SH3GLB2: variants seen among roughly 807,000 people sequenced by gnomAD.
SH3GLB2 encodes SH3 domain containing GRB2 like, endophilin B2.
Under a neutral mutation model 48.0 loss-of-function variants are expected in SH3GLB2, and 24 were observed. The ratio of observed to expected loss-of-function variants is 0.50; its 90% CI spans 0.36 to 0.70. The LOEUF is 0.70. SH3GLB2 is among the 30% of genes least tolerant of loss of function. The probability of loss-of-function intolerance (pLI) is 0.00; values close to 1 mark genes in which losing one functional copy is unlikely to be tolerated. For missense variants in SH3GLB2, 425 were observed against 516.0 expected (o/e 0.82, Z 1.71); for synonymous variants, 227 against 207.6 (o/e 1.09, Z -0.80).
At chr9:129,017,623 G>A (rs1196864892) in intron 3 of SH3GLB2, among the ~76,000 whole-genome samples, 3 of 151,932 alleles carry the variant, frequency 2.0e-5, no homozygotes, top group Non-Finnish European at 4.4e-5. Context: ...AAAATACGCC[G>A]GGTGTGATGG....
At chr9:129,015,872 A>G (rs1022239873) in intron 3 of SH3GLB2, 7 of 331,818 alleles carry the variant, frequency 2.1e-5, no homozygotes, top group Admixed American at 3.9e-5. Flanking sequence ...TGTCTTTAAA[A>G]AAAAGAAAAG....
At position 129,007,366 on chromosome 9, in the gene SH3GLB2, G is replaced by C. The variant is rs1248899864; in HGVS notation, c.*1318C>G. 1.3e-5 allele frequency: 2 copies of C among 152,124 alleles called. No individual in the cohort carries two copies. The highest frequency in any genetic ancestry group is 1.3e-4 in the Admixed American group (2 of 15,264). 9.4% of individuals were successfully genotyped at this position (152,124 alleles called of 1,614,324 possible). A position where few individuals can be genotyped will look rare whatever the true frequency, so the allele number is the denominator to read the frequency against. On this transcript the variant is annotated 3_prime_UTR_variant, in exon 11 of 11. Transcript: ENST00000372564. Reference sequence around the variant, plus strand: ...GCCCAGTGGGCTGAGCTCATCCCTGGGTGAGCCTTTCTTGAAGCTCTGTGC... The same window carrying C: ...GCCCAGTGGGCTGAGCTCATCCCTGCGTGAGCCTTTCTTGAAGCTCTGTGC...
rs752682320 is a variant in SH3GLB2 at position 129,014,552 on chromosome 9, AC to A, written c.469-50del. 1 of 1,534,014 alleles carries A rather than the reference AC, an allele frequency of 6.5e-7. No individual in the cohort carries two copies. Among genetic ancestry groups the A allele is most frequent in the South Asian group, 1.2e-5 (1 of 83,954 alleles). On this transcript the variant is annotated intron_variant, in intron 4 of 10. Coordinates refer to ENST00000372564, the MANE Select transcript of SH3GLB2 (RefSeq NM_020145.4). The surrounding 1 kb of genome is among the most constrained non-coding windows in gnomAD (Gnocchi z 4.1). Reference sequence around the variant, plus strand: ...GTGAGACCCTGGGCTGCCCTGGGAGACCCTGAGCCATGCATGGCAAGATTGG... The same window carrying A: ...GTGAGACCCTGGGCTGCCCTGGGAGACCTGAGCCATGCATGGCAAGATTGG...
chr9:129,022,447 G>T, intron 1 of SH3GLB2, 24 bp from the exon 2 acceptor site: 1 of 1,609,088 alleles, frequency 6.2e-7, no homozygotes. Flanking sequence ...AAGGCCAAGG[G>T]GTGGGGAGGG....
chr9:129,020,875 A>C (rs902622344), intron 3 of SH3GLB2, among the ~76,000 whole-genome samples: 2 of 113,820 alleles, frequency 1.8e-5, no homozygotes, highest in Non-Finnish European at 3.7e-5. Context: ...ATCTCAAAAA[A>C]AAACAAAAAC....
At chr9:129,018,817 G>C (rs1041837545) in intron 3 of SH3GLB2, among the ~76,000 whole-genome samples, 16 of 149,908 alleles carry the variant, frequency 1.1e-4, no homozygotes, top group Non-Finnish European at 1.9e-4. Context: ...GCATGAACCC[G>C]GGAGGAGGAG....
chr9:129,022,444 A>AG, intron 1 of SH3GLB2, 21 bp from the exon 2 acceptor site: 1 of 1,122,486 alleles, frequency 8.9e-7, no homozygotes, highest in Non-Finnish European at 1.2e-6. Flanking sequence ...GGGAAGGCCA[A>AG]GGGGTGGGGA....
chr9:129,012,790 CAG>C lies in SH3GLB2; in HGVS notation c.562-494_562-493del, dbSNP rs1275996973. The C allele has an allele frequency of 2.0e-5, 12 of 593,302 alleles. No individual in the cohort carries two copies. The Admixed American group carries it at 2.9e-4, about 14-fold the overall frequency. 36.8% of individuals were successfully genotyped at this position (593,302 alleles called of 1,614,324 possible). A position where few individuals can be genotyped will look rare whatever the true frequency, so the allele number is the denominator to read the frequency against. On this transcript the variant is annotated intron_variant, in intron 5 of 10. Coordinates refer to ENST00000372564, the MANE Select transcript of SH3GLB2 (RefSeq NM_020145.4). The stretch of plus-strand genomic sequence containing the variant: ...GTGGACAGATGGATGCATGGGCAGA[CAG>C]AGTGACAGGCGTCCAACATTTGCAA...
chr9:129,008,531 C>T lies in SH3GLB2; in HGVS notation c.*153G>A. 6.3e-6 allele frequency: 4 copies of T among 630,014 alleles called. No individual in the cohort carries two copies. Among genetic ancestry groups the T allele is most frequent in the South Asian group, 5.4e-5 (3 of 56,028 alleles). 39.0% of individuals were successfully genotyped at this position (630,014 alleles called of 1,614,324 possible). On this transcript the variant is annotated 3_prime_UTR_variant, in exon 11 of 11. Coordinates refer to ENST00000372564, the MANE Select transcript of SH3GLB2 (RefSeq NM_020145.4). ...AGGGGTGGAGCCATTCAGCCTCAGG[C>T]ACCCTCACAGCTAGGTGACTAGGGG...
Position 129,014,479 on chromosome 9 carries a change from G to A in SH3GLB2, c.493C>T (p.Arg165Trp), listed in dbSNP as rs1054825055. 12 of 1,551,158 alleles carry A rather than the reference G, an allele frequency of 7.7e-6. No individual in the cohort carries two copies. Among genetic ancestry groups the A allele is most frequent in the South Asian group, 1.2e-5 (1 of 84,054 alleles). The change falls in exon 5 of 11, where the codon CGG becomes TGG. Residue 165 changes from arginine to tryptophan, a missense_variant. By Grantham distance (101) the Arg-to-Trp change is moderately radical. Transcript: ENST00000372564. This position sits in a 1 kb window ranked among gnomAD's most constrained non-coding sequence, Gnocchi z 4.1. The part of the protein sequence containing the change: ...ISKERRLLQN[R>W]RLDLDACKAR... ...TTGCAGGCATCCAAGTCCAGACGCC[G>A]GTTTTGGAGGAGCCGCCTCTCCTTC... is the stretch of plus-strand genomic sequence containing the variant.
chr9:129,024,071 G>A (rs896844230), intron 1 of SH3GLB2, among the ~76,000 whole-genome samples: 2 of 152,090 alleles, frequency 1.3e-5, no homozygotes, highest in Non-Finnish European at 2.9e-5. Flanking sequence ...TGGCTATTTG[G>A]CCAGCACACA....
At chr9:129,018,439 T>C (rs1843575412) in intron 3 of SH3GLB2, among the ~76,000 whole-genome samples, 1 of 149,434 alleles carries the variant, frequency 6.7e-6, no homozygotes, top group South Asian at 2.1e-4. Context: ...TAGCTGGGCA[T>C]GGTGGCGGGT....
In SH3GLB2 at chr9:129,008,511, T is replaced by G. The variant is rs1588303525; in HGVS notation, c.*173A>C. ...GTCAGAAGCAGGGCTGGGGGAGGGG[T>G]GGAGCCATTCAGCCTCAGGCACCCT... On this transcript the variant is annotated 3_prime_UTR_variant, in exon 11 of 11. Coordinates refer to ENST00000372564, the MANE Select transcript of SH3GLB2 (RefSeq NM_020145.4). 1.7e-6 allele frequency: 1 copy of G among 583,126 alleles called. No individual in the cohort carries two copies. Among genetic ancestry groups the G allele is most frequent in the Non-Finnish European group, 3.1e-6 (1 of 320,022 alleles). The allele number at this position is 583,126 out of a possible 1,614,324, so 36.1% of individuals were successfully genotyped here. A position where few individuals can be genotyped will look rare whatever the true frequency, so the allele number is the denominator to read the frequency against.
At chr9:129,024,290 G>A (rs1049279684) in intron 1 of SH3GLB2, among the ~76,000 whole-genome samples, 3 of 149,756 alleles carry the variant, frequency 2.0e-5, no homozygotes, top group East Asian at 2.0e-4. Flanking sequence ...AGCCCGGCAC[G>A]GTGGCTTATG....
intron 1 of SH3GLB2, among the ~76,000 whole-genome samples, chr9:129,026,268 T>C (rs1381423924): frequency 2.0e-5 from 3 of 152,214 alleles, no homozygotes; most frequent in Non-Finnish European, 4.4e-5. Flanking sequence ...GGGAGGTTCC[T>C]GAGCCCATCA....
intron 3 of SH3GLB2, among the ~76,000 whole-genome samples, chr9:129,017,350 C>G (rs575190533): frequency 1.3e-5 from 2 of 152,310 alleles, no homozygotes; most frequent in African/African-American, 4.8e-5. Context: ...GACACCTATA[C>G]AGCACTGCAC....
intron 1 of SH3GLB2, among the ~76,000 whole-genome samples, chr9:129,027,358 G>C (rs978136463): frequency 1.3e-5 from 2 of 152,134 alleles, no homozygotes; most frequent in African/African-American, 4.8e-5. Context: ...CCAGTGAGAT[G>C]AAGGCCCCTC....
intron 3 of SH3GLB2, among the ~76,000 whole-genome samples, chr9:129,015,398 C>T (rs569679057): frequency 3.9e-5 from 6 of 152,254 alleles, no homozygotes; most frequent in Admixed American, 2.0e-4. Flanking sequence ...CTGGACTCTG[C>T]AAATTGACCA....
At chr9:129,016,598 C>T (rs1843439075) in intron 3 of SH3GLB2, among the ~76,000 whole-genome samples, 1 of 150,508 alleles carries the variant, frequency 6.6e-6, no homozygotes, top group African/African-American at 2.4e-5. Context: ...GTGGAGGTCG[C>T]AGTGAACCAA....
Sources: gnomAD v4.1 joint callset for allele counts (sites outside exome capture counted in the v4.1 genomes callset) on GRCh38, gnomAD v4.1.1 for gene constraint, Gnocchi (gnomAD v3.1) non-coding constraint, MANE v1.5 for transcripts, NCBI Gene and HGNC (gene_info 2026-07-23, HGNC 2026-07-21) for gene names.